The following TRPV3 variants were observed in gnomAD, a reference collection of about 807,000 sequenced individuals.
TRPV3 encodes the protein transient receptor potential cation channel subfamily V member 3.
Under a neutral mutation model 87.1 loss-of-function variants are expected in TRPV3, and 88 were observed. That is an observed-to-expected ratio of 1.01 (90% CI 0.85 to 1.21). The LOEUF is 1.21. TRPV3 is among the 50% of genes most tolerant of loss of function. The probability of loss-of-function intolerance (pLI) is 0.00; values close to 1 mark genes in which losing one functional copy is unlikely to be tolerated. For synonymous variants in TRPV3, 438 were observed against 423.3 expected (o/e 1.03, Z -0.43); for missense variants, 1,054 against 1,030.1 (o/e 1.02, Z -0.32).
At chr17:3,519,830 A>C (rs2074227013) in intron 14 of TRPV3, among the ~76,000 whole-genome samples, 4 of 133,246 alleles carry the variant, frequency 3.0e-5, no homozygotes, top group Non-Finnish European at 6.5e-5. Context: ...GGATGATTAA[A>C]TGGATGAATG....
At chr17:3,538,709 C>A (rs1021351016) in intron 6 of TRPV3, among the ~76,000 whole-genome samples, 4 of 152,090 alleles carry the variant, frequency 2.6e-5, no homozygotes, top group Non-Finnish European at 4.4e-5. Context: ...CCCAGCCTCC[C>A]AAGTAGCTGG....
chr17:3,548,964 A>G (rs995733054), intron 2 of TRPV3, among the ~76,000 whole-genome samples: 1 of 152,166 alleles, frequency 6.6e-6, no homozygotes. Context: ...TGAAGTGGGC[A>G]TCGGAGGTCA....
chr17:3,537,938 C>T (rs973863594), intron 6 of TRPV3, among the ~76,000 whole-genome samples: 1 of 147,270 alleles, frequency 6.8e-6, no homozygotes, highest in Non-Finnish European at 1.5e-5. Context: ...GTGGCTCACA[C>T]CTGTAATCCC....
chr17:3,524,946 G>A (rs2074282342), intron 12 of TRPV3, among the ~76,000 whole-genome samples: 3 of 152,066 alleles, frequency 2.0e-5, no homozygotes, highest in Admixed American at 6.5e-5. Context: ...GACAAAAACT[G>A]CCAATATCTA....
At position 3,557,054 on chromosome 17, in the gene TRPV3, G is replaced by T. The variant is rs1016241708; in HGVS notation, c.-3+622C>A. 6.6e-6 allele frequency among the ~76,000 whole-genome samples: 1 copy of T among 152,012 alleles called. No homozygotes were observed. The highest frequency in any genetic ancestry group is 1.5e-5 in the Non-Finnish European group (1 of 67,982). ...TGCCCTGGGCCTCTGGGGCAGGAGA[G>T]GCTCAGGGAACTCTGGACTAGGGCC... On this transcript the variant is annotated intron_variant, in intron 1 of 17. Transcript: ENST00000576742. This position sits in a 1 kb window ranked among gnomAD's most constrained non-coding sequence, Gnocchi z 4.5.
At chr17:3,514,968 G>A (rs73977752) in intron 16 of TRPV3, among the ~76,000 whole-genome samples, 2,638 of 152,230 alleles carry the variant, frequency 0.017, 73 homozygotes, top group African/African-American at 0.061. Flanking sequence ...CAGCTGCTGT[G>A]CCTGACTGGT....
rs1055774834 is a variant in TRPV3, at chr17:3,556,906, C to T, written c.-3+770G>A. On this transcript the variant is annotated intron_variant, in intron 1 of 17. Transcript: ENST00000576742. The surrounding 1 kb of genome is among the most constrained non-coding windows in gnomAD (Gnocchi z 4.2). ...GCGTGAAGGAGACAGAAGAAGGGCA[C>T]GTCTCTTGCCCCTCCCAGGGCCTCT... Among the ~76,000 whole-genome samples the T allele has an allele frequency of 2.6e-5, 4 of 152,178 alleles. No homozygotes were observed. Among genetic ancestry groups the T allele is most frequent in the African/African-American group, 9.7e-5 (4 of 41,426 alleles).
chr17:3,530,862 C>T lies in TRPV3; in HGVS notation c.1066-659G>A, dbSNP rs1420999106. ...TTTGAGGTCAGGAGTTCGAGACCAG[C>T]CTGGCCAACATGGTGGAATCCTGTC... On this transcript the variant is annotated intron_variant, in intron 8 of 17. Coordinates refer to ENST00000576742, the MANE Select transcript of TRPV3 (RefSeq NM_145068.4). This position sits in a 1 kb window ranked among gnomAD's most constrained non-coding sequence, Gnocchi z 4.0. 6.6e-6 allele frequency among the ~76,000 whole-genome samples: 1 copy of T among 152,098 alleles called. No homozygotes were observed. Among genetic ancestry groups the T allele is most frequent in the Non-Finnish European group, 1.5e-5 (1 of 68,034 alleles).
chr17:3,549,613 G>A (rs2074554335), intron 2 of TRPV3, among the ~76,000 whole-genome samples: 1 of 152,196 alleles, frequency 6.6e-6, no homozygotes, highest in African/African-American at 2.4e-5. Flanking sequence ...ATGGATGAAT[G>A]AATAATGGAG....
At chr17:3,519,319 A>AATCGTTGGATGG (rs1255652793) in intron 14 of TRPV3, among the ~76,000 whole-genome samples, 12 of 138,376 alleles carry the variant, frequency 8.7e-5, no homozygotes, top group African/African-American at 3.0e-4. Flanking sequence ...TTCACTGCTG[A>AATCGTTGGATGG]ATGGTTGGAT....
intron 7 of TRPV3, among the ~76,000 whole-genome samples, chr17:3,535,185 TTC>T (rs2074389236): frequency 1.1e-5 from 1 of 87,912 alleles, no homozygotes; most frequent in Admixed American, 1.3e-4. Flanking sequence ...TCCTCCTCCC[TTC>T]CTCCCTCTCC....
chr17:3,538,988 G>A (rs1055578274), intron 6 of TRPV3, among the ~76,000 whole-genome samples: 1 of 152,170 alleles, frequency 6.6e-6, no homozygotes, highest in Non-Finnish European at 1.5e-5. Context: ...AGACAAGATC[G>A]TGCACTGTGA....
chr17:3,556,158 C>T lies in TRPV3; in HGVS notation c.-2-1306G>A, dbSNP rs537206368. The stretch of plus-strand genomic sequence containing the variant: ...TGCCACTGCACTCCAGCCTGGGCGA[C>T]AGAGCGAGACTCCGTCTCAAAAAAA... On this transcript the variant is annotated intron_variant, in intron 1 of 17. Coordinates refer to ENST00000576742, the MANE Select transcript of TRPV3 (RefSeq NM_145068.4). This position sits in a 1 kb window ranked among gnomAD's most constrained non-coding sequence, Gnocchi z 4.2. Among the ~76,000 whole-genome samples the T allele has an allele frequency of 1.4e-5, 2 of 143,194 alleles. No individual in the cohort carries two copies. Among genetic ancestry groups the T allele is most frequent in the Non-Finnish European group, 3.0e-5 (2 of 66,200 alleles). 93.9% of individuals were successfully genotyped at this position (143,194 alleles called of 152,430 possible). A position where few individuals can be genotyped will look rare whatever the true frequency, so the allele number is the denominator to read the frequency against.
chr17:3,528,518 C>T lies in TRPV3; in HGVS notation c.1401+319G>A, dbSNP rs555163726. Among the ~76,000 whole-genome samples, 3 of 152,326 alleles carry T rather than the reference C, an allele frequency of 2.0e-5. No homozygotes were observed. In the South Asian group the frequency reaches 6.2e-4, roughly 32 times the overall value. ...AGGCAGGGAGAGCTTATCCTCCTCC[C>T]GTTTCCTGCAGCCCTCACAGCAGAA... On this transcript the variant is annotated intron_variant, in intron 10 of 17. Transcript: ENST00000576742. The surrounding 1 kb of genome is among the most constrained non-coding windows in gnomAD (Gnocchi z 4.2).
rs914855744 is a variant in TRPV3, at chr17:3,518,118, C to T, written c.2085+458G>A. 1.3e-4 allele frequency among the ~76,000 whole-genome samples: 20 copies of T among 152,208 alleles called. No homozygotes were observed. Among genetic ancestry groups the T allele is most frequent in the African/African-American group, 4.8e-4 (20 of 41,540 alleles). On this transcript the variant is annotated intron_variant, in intron 15 of 17. Coordinates refer to ENST00000576742, the MANE Select transcript of TRPV3 (RefSeq NM_145068.4). This position sits in a 1 kb window ranked among gnomAD's most constrained non-coding sequence, Gnocchi z 4.3. ...ACAGGGGTGAGCCACCATGCCCGGC[C>T]GCCAACCACCATTTCTTAAGAGGCA...
Position 3,535,588 on chromosome 17 carries a change from C to A in TRPV3, c.769G>T (p.Glu257Ter), listed in dbSNP as rs1168289054. The change falls in exon 7 of 18, where the codon GAA (glutamate) becomes TAA (stop). Residue 257 changes from glutamate to a stop codon, truncating the protein, a stop_gained. Coordinates refer to ENST00000576742, the MANE Select transcript of TRPV3 (RefSeq NM_145068.4). LOFTEE classifies it high-confidence loss of function. ...GAFFNPKYQH[E>*]GFYFGETPLA... ...CGGCACCCACCGAAGTAGAAGCCTTCGTGTTGGTACTTGGGGTTGAAGAAG... is the reference window on the plus strand; with the variant it reads ...CGGCACCCACCGAAGTAGAAGCCTTAGTGTTGGTACTTGGGGTTGAAGAAG... 1 of 1,605,022 alleles carries A rather than the reference C, an allele frequency of 6.2e-7. No homozygotes were observed.
rs1567630507 is a variant in TRPV3, at chr17:3,519,476, A to AGATGATTGGATGGATGGATGGATGGATG, written c.1811-654_1811-627dup. Among the ~76,000 whole-genome samples, 11 of 110,132 alleles carry AGATGATTGGATGGATGGATGGATGGATG rather than the reference A, an allele frequency of 1.0e-4. 1 individual carries two copies. The highest frequency in any genetic ancestry group is 1.7e-4 in the Non-Finnish European group (9 of 54,168). 72.3% of individuals were successfully genotyped at this position (110,132 alleles called of 152,430 possible). A position where few individuals can be genotyped will look rare whatever the true frequency, so the allele number is the denominator to read the frequency against. On this transcript the variant is annotated intron_variant, in intron 14 of 17. Transcript: ENST00000576742. ...TAGATGATTAGATGGATGGATGGAT[A>AGATGATTGGATGGATGGATGGATGGATG]GATGATTGGATGGATGGATGGATGG...
In TRPV3 at chr17:3,528,848, G is replaced by C; in HGVS notation, c.1390C>G (p.Arg464Gly). ...TLTLVSYYRP[R>G]EEEAIPHPLA... ...AGGGGCCCACGTACCTCCTCCTCCC[G>C]GGGGCGGTAGTACGAGACGAGGGTC... The change falls in exon 10 of 18, where the codon CGG (arginine) becomes GGG (glycine). Residue 464 changes from arginine (R) to glycine (G), a missense_variant. Arg to Gly is a moderately radical substitution (Grantham distance 125). Coordinates refer to ENST00000576742, the MANE Select transcript of TRPV3 (RefSeq NM_145068.4). The surrounding 1 kb of genome is among the most constrained non-coding windows in gnomAD (Gnocchi z 4.2). The C allele has an allele frequency of 3.1e-6, 5 of 1,613,762 alleles. No individual in the cohort carries two copies. Among genetic ancestry groups the C allele is most frequent in the Non-Finnish European group, 3.4e-6 (4 of 1,179,788 alleles).
At position 3,538,472 on chromosome 17, in the gene TRPV3, G is replaced by C. The variant is rs1221083685; in HGVS notation, c.644-2759C>G. Among the ~76,000 whole-genome samples the C allele has an allele frequency of 1.3e-5, 2 of 151,634 alleles. 1 individual carries two copies. Among genetic ancestry groups the C allele is most frequent in the Non-Finnish European group, 2.9e-5 (2 of 67,982 alleles). The stretch of plus-strand genomic sequence containing the variant: ...AAAAAAAGGATAATTTGCAGTGTTA[G>C]TGATAAGTAGGAGAATGAGTATTTC... On this transcript the variant is annotated intron_variant, in intron 6 of 17. Coordinates refer to ENST00000576742, the MANE Select transcript of TRPV3 (RefSeq NM_145068.4).
Sources: gnomAD v4.1 joint callset for allele counts (sites outside exome capture counted in the v4.1 genomes callset) on GRCh38, gnomAD v4.1.1 for gene constraint, Gnocchi (gnomAD v3.1) non-coding constraint, MANE v1.5 for transcripts, NCBI Gene and HGNC (gene_info 2026-07-23, HGNC 2026-07-21) for gene names.